The following MEIOSIN variants were observed in gnomAD, a reference collection of about 807,000 sequenced individuals.
MEIOSIN encodes meiosis initiator protein.
MEIOSIN carries 18 observed loss-of-function variants against 23.4 expected under a neutral mutation model. The observed-to-expected ratio is 0.77, with a 90% CI of 0.53 to 1.14. The LOEUF is 1.14. Ranked by LOEUF, MEIOSIN falls within the 50% of genes most tolerant of loss-of-function variation. MEIOSIN has a pLI of 0.00. For missense variants in MEIOSIN, 428 were observed against 242.9 expected (o/e 1.76, Z -5.07); for synonymous variants, 187 against 100.6 (o/e 1.86, Z -5.14).
intron 4 of MEIOSIN, among the ~76,000 whole-genome samples, chr19:45,747,998 A>G (rs2146184555): frequency 6.6e-6 from 1 of 152,210 alleles, no homozygotes; most frequent in Non-Finnish European, 1.5e-5. Flanking sequence ...GCAGGAGGAT[A>G]GCTTGAGCCT....
At chr19:45,740,757 A>C (rs1488185689) in intron 3 of MEIOSIN, among the ~76,000 whole-genome samples, 1 of 28,730 alleles carries the variant, frequency 3.5e-5, no homozygotes, top group Non-Finnish European at 6.3e-5. Context: ...CTCAATAATA[A>C]TAATAATAAT....
At chr19:45,748,327 G>A (rs148151430) in intron 4 of MEIOSIN, among the ~76,000 whole-genome samples, 63 of 152,250 alleles carry the variant, frequency 4.1e-4, no homozygotes, top group African/African-American at 1.5e-3. Context: ...TGATCCACCC[G>A]CCTCGGGCTC....
At chr19:45,745,738 T>A (rs1413995685) in intron 4 of MEIOSIN, among the ~76,000 whole-genome samples, 2 of 152,024 alleles carry the variant, frequency 1.3e-5, no homozygotes, top group Non-Finnish European at 2.9e-5. Flanking sequence ...GGCTAATAGT[T>A]TTTTTGTATT....
chr19:45,743,782 A>G (rs1438186356), intron 3 of MEIOSIN, among the ~76,000 whole-genome samples: 1 of 152,068 alleles, frequency 6.6e-6, no homozygotes. Flanking sequence ...TCAGCTTCCC[A>G]AAGTGCTGGG....
intron 13 of MEIOSIN, among the ~76,000 whole-genome samples, chr19:45,762,801 G>C (rs570576718): frequency 6.6e-6 from 1 of 152,308 alleles, no homozygotes; most frequent in African/African-American, 2.4e-5. Flanking sequence ...AGACTGCCTT[G>C]AGACATAGCT....
At chr19:45,760,720 G>A (rs1368737654) in intron 11 of MEIOSIN, among the ~76,000 whole-genome samples, 1 of 151,982 alleles carries the variant, frequency 6.6e-6, no homozygotes, top group Non-Finnish European at 1.5e-5. Flanking sequence ...CCTGAGGTCA[G>A]GAGTTTAAAC....
intron 4 of MEIOSIN, among the ~76,000 whole-genome samples, chr19:45,748,667 A>G (rs1406647607): frequency 2.0e-5 from 3 of 152,222 alleles, no homozygotes; most frequent in Non-Finnish European, 2.9e-5. Flanking sequence ...CCTTTATACT[A>G]GTAATAATAA....
In MEIOSIN at chr19:45,753,762, G is replaced by A. The variant is rs187067960; in HGVS notation, c.530G>A (p.Arg177Gln). The A allele has an allele frequency of 5.0e-5, 35 of 702,752 alleles. No homozygotes were observed. Among genetic ancestry groups the A allele is most frequent in the Non-Finnish European group, 7.5e-5 (29 of 384,868 alleles). 43.5% of individuals were successfully genotyped at this position (702,752 alleles called of 1,614,324 possible). Residue 177 changes from arginine to glutamine, a missense_variant, in exon 6 of 15, where the codon CGG (arginine) becomes CAG (glutamine). Transcript: ENST00000457052. ...CTCCAGGGGGCGTGCCAGAAGCCTC[G>A]GAAGAAGAAGCTGACCCAGGCATCA... is the stretch of plus-strand genomic sequence containing the variant. ...SCLQGACQKPRKKKLTQASES... is the reference protein window; with the variant it reads ...SCLQGACQKPQKKKLTQASES...
At chr19:45,738,386 G>A (rs569692408) in intron 2 of MEIOSIN, among the ~76,000 whole-genome samples, 1 of 152,356 alleles carries the variant, frequency 6.6e-6, no homozygotes, top group East Asian at 1.9e-4. Context: ...GCGAAGCCAA[G>A]GTGGGCTGAT....
chr19:45,752,364 C>T (rs1388762114), intron 5 of MEIOSIN, among the ~76,000 whole-genome samples: 3 of 152,034 alleles, frequency 2.0e-5, no homozygotes, highest in East Asian at 1.9e-4. Context: ...TACAGGCGCC[C>T]GCCACCACAC....
Position 45,752,445 on chromosome 19 carries a change from G to C in MEIOSIN, c.419-1206G>C, listed in dbSNP as rs142685070. Among the ~76,000 whole-genome samples the C allele has an allele frequency of 2.1e-3, 327 of 152,192 alleles. 4 individuals carry two copies. Among genetic ancestry groups the C allele is most frequent in the Non-Finnish European group, 4.0e-3 (271 of 68,008 alleles). On this transcript the variant is annotated intron_variant, in intron 5 of 14. Coordinates refer to ENST00000457052, the MANE Select transcript of MEIOSIN (RefSeq NM_001310124.2). ...TCGCCAAGCTGGTATCACCTCAAGTGATCCACCCATCTCAGCCTCCTAAAG... is the reference window on the plus strand; with the variant it reads ...TCGCCAAGCTGGTATCACCTCAAGTCATCCACCCATCTCAGCCTCCTAAAG...
intron 11 of MEIOSIN, among the ~76,000 whole-genome samples, chr19:45,760,922 CT>C (rs1968925014): frequency 8.2e-6 from 1 of 121,988 alleles, no homozygotes; most frequent in Non-Finnish European, 1.8e-5. Context: ...AAGACTCCGT[CT>C]CAAAAAAAAA....
In MEIOSIN at chr19:45,761,977, C is replaced by T. The variant is rs1434476098; in HGVS notation, c.1473C>T (p.Ser491=). ...QANPVGTPGS[S]EEDEDTTWTP... is the part of the protein sequence containing the mutation. Reference sequence around the variant, plus strand: ...ACCCTGTGGGCACGCCGGGCTCCAGCGAAGAGGACGAAGACACCACATGGA... The same window carrying T: ...ACCCTGTGGGCACGCCGGGCTCCAGTGAAGAGGACGAAGACACCACATGGA... Residue 491 remains serine (S), a synonymous_variant, in exon 13 of 15, where the codon AGC becomes AGT. Coordinates refer to ENST00000457052, the MANE Select transcript of MEIOSIN (RefSeq NM_001310124.2). The T allele has an allele frequency of 1.1e-5, 6 of 558,722 alleles. No individual in the cohort carries two copies. Among genetic ancestry groups the T allele is most frequent in the South Asian group, 2.3e-5 (1 of 43,120 alleles). 34.6% of individuals were successfully genotyped at this position (558,722 alleles called of 1,614,324 possible).
chr19:45,735,643 T>A (rs542563176), intron 2 of MEIOSIN, among the ~76,000 whole-genome samples, 196 bp downstream of exon 2: 1 of 152,322 alleles, frequency 6.6e-6, no homozygotes, highest in African/African-American at 2.4e-5. Flanking sequence ...ATGAGAGTAC[T>A]CTGAGGTGAT....
rs1568561240 is a variant in MEIOSIN at position 45,762,012 on chromosome 19, G to GGCTGGCCTCACCCCT, written c.1515_1529dup (p.Ser506_Ala510dup). On this transcript the variant is annotated inframe_insertion, in exon 13 of 15. Coordinates refer to ENST00000457052, the MANE Select transcript of MEIOSIN (RefSeq NM_001310124.2). ...GAAGACACCACATGGACCCCCACCCGGCTGGCCTCACCCCTGCTGGCAGCT... is the reference window on the plus strand; with the variant it reads ...GAAGACACCACATGGACCCCCACCCGGCTGGCCTCACCCCTGCTGGCCTCACCCCTGCTGGCAGCT... 2 of 508,206 alleles carry GGCTGGCCTCACCCCT rather than the reference G, an allele frequency of 3.9e-6. No homozygotes were observed. The highest frequency in any genetic ancestry group is 3.9e-5 in the African/African-American group (2 of 51,404). 31.5% of individuals were successfully genotyped at this position (508,206 alleles called of 1,614,324 possible).
At position 45,761,785 on chromosome 19, in the gene MEIOSIN, C is replaced by T. The variant is rs1042176094; in HGVS notation, c.1352C>T (p.Ala451Val). 2 of 695,476 alleles carry T rather than the reference C, an allele frequency of 2.9e-6. No individual in the cohort carries two copies. Among genetic ancestry groups the T allele is most frequent in the Non-Finnish European group, 5.2e-6 (2 of 381,986 alleles). 43.1% of individuals were successfully genotyped at this position (695,476 alleles called of 1,614,324 possible). Residue 451 changes from alanine to valine, a missense_variant, in exon 12 of 15, where the codon GCG becomes GTG. Physicochemically the swap from Ala to Val is moderately conservative, Grantham distance 64. Transcript: ENST00000457052. ...CTCTCGCTGAGCGGGAACAGCAAGGCGCCATCCAGCTCCAGCTCCAGCTCC... is the reference window on the plus strand; with the variant it reads ...CTCTCGCTGAGCGGGAACAGCAAGGTGCCATCCAGCTCCAGCTCCAGCTCC... ...CYLSLSGNSK[A>V]PSSSSSSSSS...
At chr19:45,758,002 A>G (rs966349525) in intron 9 of MEIOSIN, among the ~76,000 whole-genome samples, 14 of 146,032 alleles carry the variant, frequency 9.6e-5, no homozygotes, top group African/African-American at 3.5e-4. Context: ...CTCAGAATCC[A>G]TTTTTTTTTT....
chr19:45,763,924 C>A, intron 14 of MEIOSIN, 47 bp from the exon 15 acceptor site: 3 of 398,672 alleles, frequency 7.5e-6, no homozygotes, highest in Non-Finnish European at 1.3e-5. Context: ...CAGGGATGCC[C>A]GGGAGGCGAG....
chr19:45,740,489 G>C (rs759712181), intron 3 of MEIOSIN, among the ~76,000 whole-genome samples: 87 of 152,146 alleles, frequency 5.7e-4, no homozygotes, highest in Admixed American at 1.3e-3. Flanking sequence ...GGAGGCTCAC[G>C]CCTGTAATCC....
Sources: gnomAD v4.1 joint callset for allele counts (sites outside exome capture counted in the v4.1 genomes callset) on GRCh38, gnomAD v4.1.1 for gene constraint, MANE v1.5 for transcripts, NCBI Gene and HGNC (gene_info 2026-07-23, HGNC 2026-07-21) for gene names.